The following MAPK6 variants were observed in gnomAD, a reference collection of about 807,000 sequenced individuals.
MAPK6 encodes the protein ERK-3.
A neutral mutation model predicts 59.3 loss-of-function variants in MAPK6; 19 were observed. That is an observed-to-expected ratio of 0.32 (90% CI 0.22 to 0.47). MAPK6 has a LOEUF of 0.47. Ranked by LOEUF, MAPK6 falls within the 20% of genes least tolerant of loss-of-function variation. MAPK6 has a pLI of 1.00. For synonymous variants in MAPK6, 316 were observed against 290.3 expected (o/e 1.09, Z -0.90); for missense variants, 724 against 847.9 (o/e 0.85, Z 1.81).
intron 2 of MAPK6, among the ~76,000 whole-genome samples, chr15:51,985,828 G>A (rs1452713582): frequency 6.6e-6 from 1 of 151,322 alleles, no homozygotes; most frequent in Non-Finnish European, 1.5e-5. Flanking sequence ...CATGGTGGTG[G>A]GCGCCTGTAC....
chr15:52,039,809 G>T (rs1024713451), intron 1 of MAPK6, among the ~76,000 whole-genome samples: 1 of 152,034 alleles, frequency 6.6e-6, no homozygotes, highest in African/African-American at 2.4e-5. Flanking sequence ...GAGCCACCAC[G>T]CCCAGCCTGT....
chr15:52,065,782 A>G lies in MAPK6; in HGVS notation c.*782A>G, dbSNP rs1228612678. 1 of 152,606 alleles carries G rather than the reference A, an allele frequency of 6.6e-6. No homozygotes were observed. Among genetic ancestry groups the G allele is most frequent in the Non-Finnish European group, 1.5e-5 (1 of 68,026 alleles). 9.5% of individuals were successfully genotyped at this position (152,606 alleles called of 1,614,324 possible). ...CATTTGGCACTATGGTTTGTTGCCT[A>G]CCTAGCTGCATCTATAATGTCAGCT... On this transcript the variant is annotated 3_prime_UTR_variant, in exon 6 of 6. Coordinates refer to ENST00000261845, the MANE Select transcript of MAPK6 (RefSeq NM_002748.4).
chr15:52,020,119 G>A (rs1691565146), intron 1 of MAPK6: 1 of 152,262 alleles, frequency 6.6e-6, no homozygotes, highest in African/African-American at 2.4e-5. Context: ...TTAAGTGGTG[G>A]TCTGTAAAAG....
chr15:51,974,452 C>T (rs982465317), intron 1 of MAPK6, among the ~76,000 whole-genome samples: 1 of 150,902 alleles, frequency 6.6e-6, no homozygotes, highest in Non-Finnish European at 1.5e-5. Context: ...GTCAGGAGAT[C>T]GAGACCATCC....
At position 52,046,044 on chromosome 15, in the gene MAPK6, A is replaced by G. The variant is rs2031583738; in HGVS notation, c.-417A>G. ...CTGCTCAGGACCAGTCCAACACTGAATGTATCTGCACTGTGAGGAGAATGT... is the reference window on the plus strand; with the variant it reads ...CTGCTCAGGACCAGTCCAACACTGAGTGTATCTGCACTGTGAGGAGAATGT... On this transcript the variant is annotated 5_prime_UTR_variant, in exon 2 of 6. An upstream start codon of the reference 5' UTR is lost. Coordinates refer to ENST00000261845, the MANE Select transcript of MAPK6 (RefSeq NM_002748.4). 5.8e-6 allele frequency: 1 copy of G among 172,438 alleles called. No homozygotes were observed. Among genetic ancestry groups the G allele is most frequent in the African/African-American group, 2.4e-5 (1 of 41,600 alleles). The allele number at this position is 172,438 out of a possible 1,614,324, so 10.7% of individuals were successfully genotyped here.
intron 1 of MAPK6, among the ~76,000 whole-genome samples, chr15:52,039,324 G>A (rs568722523): frequency 1.3e-5 from 2 of 152,238 alleles, no homozygotes; most frequent in South Asian, 4.1e-4. Flanking sequence ...CAGATTTACT[G>A]TAAGTCATCC....
At position 51,988,741 on chromosome 15, in the gene MAPK6, TACACACAC is replaced by T. The variant is rs35976962; in HGVS notation, c.-770+5444_-770+5451del. Among the ~76,000 whole-genome samples, 7 of 145,698 alleles carry T rather than the reference TACACACAC, an allele frequency of 4.8e-5. No homozygotes were observed. In the South Asian group the frequency reaches 6.6e-4, roughly 14 times the overall value. On this transcript the variant is annotated intron_variant, in intron 2 of 7. Coordinates refer to the MAPK6 transcript ENST00000691380. ...AGTGAGACTCTGGGCAAAAAAAAAATACACACACACACACACACACACACAAAACCAGA... is the reference window on the plus strand; with the variant it reads ...AGTGAGACTCTGGGCAAAAAAAAAATACACACACACACACACAAAACCAGA...
At chr15:51,982,173 C>G (rs2057176275) in intron 1 of MAPK6, among the ~76,000 whole-genome samples, 1 of 152,224 alleles carries the variant, frequency 6.6e-6, no homozygotes, top group Non-Finnish European at 1.5e-5. Context: ...TTTCACTTTA[C>G]AGCAAAACTG....
chr15:52,031,234 G>A (rs1264417902), intron 1 of MAPK6, among the ~76,000 whole-genome samples: 1 of 152,004 alleles, frequency 6.6e-6, no homozygotes, highest in African/African-American at 2.4e-5. Context: ...CCCCCAGCCA[G>A]AAGAAGGTCT....
chr15:52,027,430 C>T (rs2030844524), intron 1 of MAPK6, among the ~76,000 whole-genome samples: 1 of 150,102 alleles, frequency 6.7e-6, no homozygotes, highest in Non-Finnish European at 1.5e-5. Flanking sequence ...CCCCCTCCTG[C>T]TTGGATTTTA....
intron 1 of MAPK6, among the ~76,000 whole-genome samples, chr15:52,033,193 T>C (rs2031106329): frequency 2.0e-5 from 3 of 152,214 alleles, no homozygotes; most frequent in Non-Finnish European, 4.4e-5. Context: ...ATGGTTAGTA[T>C]TAAGTGTCAA....
chr15:51,989,001 C>T (rs145581078), intron 2 of MAPK6, among the ~76,000 whole-genome samples: 2,632 of 152,096 alleles, frequency 0.017, 35 homozygotes, highest in Non-Finnish European at 0.027. Context: ...CCTTTGCCTC[C>T]GTCTTCTAAG....
chr15:52,009,030 T>C (rs918996498), intron 3 of MAPK6, among the ~76,000 whole-genome samples: 2 of 152,184 alleles, frequency 1.3e-5, no homozygotes, highest in African/African-American at 4.8e-5. Context: ...AATTGATAAA[T>C]GGAGCACTCA....
intron 3 of MAPK6, among the ~76,000 whole-genome samples, chr15:52,054,804 G>C (rs1175739138): frequency 6.7e-6 from 1 of 150,134 alleles, no homozygotes; most frequent in Non-Finnish European, 1.5e-5. Context: ...TTTTTTCCGA[G>C]ACTGAGTCTT....
chr15:51,990,666 T>C lies in MAPK6; in HGVS notation c.-770+7351T>C, dbSNP rs1003291151. 2.0e-5 allele frequency among the ~76,000 whole-genome samples: 3 copies of C among 151,494 alleles called. No homozygotes were observed. The South Asian group carries it at 6.3e-4, about 32-fold the overall frequency. On this transcript the variant is annotated intron_variant, in intron 2 of 7. Transcript: ENST00000691380. ...CCGTGTCTCTACTAAAAATACAAAATTAGGCCAGGCGCAGTGGCTCACGCC... is the reference window on the plus strand; with the variant it reads ...CCGTGTCTCTACTAAAAATACAAAACTAGGCCAGGCGCAGTGGCTCACGCC...
At chr15:52,026,539 G>A (rs1208833663) in intron 1 of MAPK6, among the ~76,000 whole-genome samples, 5 of 151,806 alleles carry the variant, frequency 3.3e-5, no homozygotes, top group African/African-American at 9.7e-5. Flanking sequence ...TGATCCACCC[G>A]TCTCGGCCTC....
chr15:52,025,320 C>T (rs1200769902), intron 1 of MAPK6, among the ~76,000 whole-genome samples: 3 of 152,116 alleles, frequency 2.0e-5, no homozygotes, highest in Non-Finnish European at 4.4e-5. Flanking sequence ...TTGCTCTTTC[C>T]ACTGGCCCTT....
intron 2 of MAPK6, among the ~76,000 whole-genome samples, chr15:52,048,369 A>G (rs1432931198): frequency 1.3e-5 from 2 of 152,158 alleles, no homozygotes; most frequent in Non-Finnish European, 2.9e-5. Flanking sequence ...CTGTAATCTC[A>G]GCACTTTGGG....
intron 2 of MAPK6, among the ~76,000 whole-genome samples, chr15:51,985,759 C>A (rs1016434407): frequency 2.0e-5 from 3 of 152,082 alleles, no homozygotes; most frequent in African/African-American, 7.2e-5. Context: ...GACATCAAGA[C>A]CATCCTGGCT....
Sources: allele counts gnomAD v4.1 joint callset (sites outside exome capture counted in the v4.1 genomes callset), GRCh38; gene constraint gnomAD v4.1.1; transcripts MANE v1.5; gene names NCBI Gene and HGNC (gene_info 2026-07-23, HGNC 2026-07-21).